FRMPD1: variants seen among roughly 807,000 people sequenced by gnomAD.
The protein encoded by FRMPD1 is FERM and PDZ domain containing 1, also known as FERM and PDZ domain-containing protein 1.
Under a neutral mutation model 117.8 loss-of-function variants are expected in FRMPD1, and 76 were observed. That is an observed-to-expected ratio of 0.65 (90% CI 0.54 to 0.78). The LOEUF is 0.78. FRMPD1 is among the 30% of genes least tolerant of loss of function. The probability of loss-of-function intolerance (pLI) is 0.00; values close to 1 mark genes in which losing one functional copy is unlikely to be tolerated. For synonymous variants in FRMPD1, 783 were observed against 770.4 expected, an observed-to-expected ratio of 1.02 and a Z score of -0.27; for missense variants, 1,786 against 1,964.5, an observed-to-expected ratio of 0.91 and a Z score of 1.72.
At chr9:37,646,656 G>A (rs1036014521), upstream of FRMPD1, among the ~76,000 whole-genome samples, 12 of 152,128 alleles carry the variant, frequency 7.9e-5, no homozygotes, top group African/African-American at 1.9e-4. Flanking sequence ...TGACAGGGTC[G>A]AGGTTTTTTT....
chr9:37,668,463 CT>C, intron 1 of FRMPD1: 1 of 152,318 alleles, frequency 6.6e-6, no homozygotes, highest in Non-Finnish European at 1.5e-5. Flanking sequence ...GGAATGTGGC[CT>C]TTTATCTTTA....
the FRMPD1 span, among the ~76,000 whole-genome samples, chr9:37,618,445 C>A: frequency 6.6e-6 from 1 of 152,092 alleles, no homozygotes; most frequent in African/African-American, 2.4e-5. Context: ...ACACTCATCC[C>A]GATTGGTCTC....
intron 2 of FRMPD1, among the ~76,000 whole-genome samples, chr9:37,705,362 C>T (rs1486839350): frequency 6.6e-6 from 1 of 152,226 alleles, no homozygotes; most frequent in African/African-American, 2.4e-5. Flanking sequence ...TAGTCTCGCT[C>T]TGTCACCCAG....
At chr9:37,743,577 A>G (rs1824530656) in intron 15 of FRMPD1, among the ~76,000 whole-genome samples, 1 of 107,086 alleles carries the variant, frequency 9.3e-6, no homozygotes, top group African/African-American at 3.5e-5. Context: ...TTGGGTTTGG[A>G]ATTCTGGAGA....
chr9:37,667,823 G>A (rs193189583), intron 1 of FRMPD1, among the ~76,000 whole-genome samples: 1 of 152,296 alleles, frequency 6.6e-6, no homozygotes, highest in African/African-American at 2.4e-5. Flanking sequence ...GAGCCGGCAT[G>A]AGGGCTGAGA....
At chr9:37,737,272 G>GA in intron 14 of FRMPD1, 29 bp downstream of exon 14, 3 of 1,612,154 alleles carry the variant, frequency 1.9e-6, no homozygotes, top group African/African-American at 1.3e-5. Context: ...CCCCAATAAG[G>GA]ACAGGCCCCT....
chr9:37,736,281 G>A (rs1297762520), intron 13 of FRMPD1, among the ~76,000 whole-genome samples: 3 of 151,922 alleles, frequency 2.0e-5, no homozygotes, highest in East Asian at 4.0e-4. Flanking sequence ...GATTACAGGC[G>A]TGAGCCACCG....
At chr9:37,631,113 C>T in the FRMPD1 span, among the ~76,000 whole-genome samples, 1 of 151,924 alleles carries the variant, frequency 6.6e-6, no homozygotes, top group Non-Finnish European at 1.5e-5. Context: ...GTTGATGTCG[C>T]CTGGGTCTTG....
chr9:37,612,192 T>C, the FRMPD1 span, among the ~76,000 whole-genome samples: 2 of 152,184 alleles, frequency 1.3e-5, no homozygotes, highest in African/African-American at 4.8e-5. Context: ...GTTAGCACTG[T>C]TTCCGGTCTG....
chr9:37,653,637 G>A lies in FRMPD1; in HGVS notation c.-5+2543G>A, dbSNP rs527811750. On this transcript the variant is annotated intron_variant, in intron 1 of 15. Coordinates refer to ENST00000377765, the MANE Select transcript of FRMPD1 (RefSeq NM_014907.3). ...ACTATGTACTCAAGGACCCAGATTG[G>A]TGGGGGAGGGGGGCAGATTTGACAG... 3.3e-5 allele frequency among the ~76,000 whole-genome samples: 5 copies of A among 152,294 alleles called. No individual in the cohort carries two copies. In the East Asian group the frequency reaches 5.8e-4, roughly 18 times the overall value.
At chr9:37,741,005 T>G in intron 15 of FRMPD1, 121 bp downstream of exon 15, 3 of 748,252 alleles carry the variant, frequency 4.0e-6, no homozygotes, top group Non-Finnish European at 4.6e-6. Context: ...CCCTGTACAC[T>G]TCTGAGGAGG....
chr9:37,662,463 G>A (rs1821029718), intron 1 of FRMPD1, among the ~76,000 whole-genome samples: 1 of 152,160 alleles, frequency 6.6e-6, no homozygotes, highest in South Asian at 2.1e-4. Flanking sequence ...GCCTTACAGA[G>A]GTCACAGCCT....
chr9:37,683,199 A>C (rs1821790611), intron 1 of FRMPD1, among the ~76,000 whole-genome samples: 1 of 152,210 alleles, frequency 6.6e-6, no homozygotes, highest in Non-Finnish European at 1.5e-5. Context: ...TTCAAGGTTC[A>C]TCCATGCTGT....
chr9:37,604,452 G>A, the FRMPD1 span, among the ~76,000 whole-genome samples: 1 of 152,142 alleles, frequency 6.6e-6, no homozygotes. Flanking sequence ...TCTGAGAGGT[G>A]GGTGGAAACA....
the FRMPD1 span, among the ~76,000 whole-genome samples, chr9:37,609,255 G>A: frequency 3.3e-5 from 5 of 151,268 alleles, no homozygotes; most frequent in African/African-American, 1.2e-4. Flanking sequence ...TCACGCCATT[G>A]CACTCCAGCC....
At chr9:37,664,447 A>G (rs1393060759) in intron 1 of FRMPD1, among the ~76,000 whole-genome samples, 1 of 151,948 alleles carries the variant, frequency 6.6e-6, no homozygotes, top group Non-Finnish European at 1.5e-5. Flanking sequence ...TGCATTAGCT[A>G]TTTGTCCTGA....
intron 2 of FRMPD1, among the ~76,000 whole-genome samples, chr9:37,706,046 G>A (rs1050080572): frequency 1.3e-5 from 2 of 152,112 alleles, no homozygotes; most frequent in South Asian, 2.1e-4. Context: ...TTTATTTAGT[G>A]TGAATTTTCA....
In FRMPD1 at chr9:37,733,599, G is replaced by T. The variant is rs772852140; in HGVS notation, c.1122G>T (p.Lys374Asn). The change falls in exon 11 of 16, where the codon AAG (lysine) becomes AAT (asparagine). Residue 374 changes from lysine to asparagine, a missense_variant and splice_region_variant. By Grantham distance (94) the Lys-to-Asn change is moderately conservative. Coordinates refer to ENST00000377765, the MANE Select transcript of FRMPD1 (RefSeq NM_014907.3). ...RNQNLLEPRQ[K>N]QLISAAQLRL... ...AGAATTTGCTGGAACCCCGACAGAA[G>T]GTAATGAAGGTGCCTCTGCCGACCC... The T allele has an allele frequency of 6.2e-7, 1 of 1,613,572 alleles. No individual in the cohort carries two copies. The highest frequency in any genetic ancestry group is 2.2e-5 in the East Asian group (1 of 44,894).
the FRMPD1 span, among the ~76,000 whole-genome samples, chr9:37,634,881 A>G: frequency 3.3e-3 from 492 of 147,112 alleles, 1 homozygote; most frequent in African/African-American, 0.012. Context: ...CCCTCCCCTC[A>G]CCCCCAATCC....
Sources: allele counts gnomAD v4.1 joint callset (sites outside exome capture counted in the v4.1 genomes callset), GRCh38; gene constraint gnomAD v4.1.1; transcripts MANE v1.5; gene names NCBI Gene and HGNC (gene_info 2026-07-23, HGNC 2026-07-21).